CORIN: variants seen among roughly 807,000 people sequenced by gnomAD.
CORIN encodes corin, serine peptidase.
Under a neutral mutation model 125.3 loss-of-function variants are expected in CORIN, and 117 were observed. The observed-to-expected ratio is 0.93, with a 90% CI of 0.80 to 1.09. The LOEUF is 1.09. Ranked by LOEUF, CORIN falls within the 50% of genes least tolerant of loss-of-function variation. The pLI is 0.00. For missense variants in CORIN, 1,253 were observed against 1,306.7 expected, an observed-to-expected ratio of 0.96 and a Z score of 0.63; for synonymous variants, 450 against 466.4, an observed-to-expected ratio of 0.96 and a Z score of 0.45.
intron 1 of CORIN, among the ~76,000 whole-genome samples, chr4:47,822,845 C>T (rs528426531): frequency 6.7e-6 from 1 of 149,144 alleles, no homozygotes; most frequent in South Asian, 2.1e-4. Flanking sequence ...GAGAGGGAGT[C>T]TCGCTCTGAT....
At chr4:47,734,833 TC>T (rs1447638900) in intron 5 of CORIN, among the ~76,000 whole-genome samples, 2 of 152,162 alleles carry the variant, frequency 1.3e-5, no homozygotes, top group Admixed American at 1.3e-4. Flanking sequence ...TAGTAGCAAC[TC>T]CCCCTGTTCT....
At chr4:47,796,233 A>C (rs1248536264) in intron 2 of CORIN, among the ~76,000 whole-genome samples, 1 of 152,120 alleles carries the variant, frequency 6.6e-6, no homozygotes, top group Non-Finnish European at 1.5e-5. Context: ...AGATGAATAA[A>C]TTTTAAAAAT....
chr4:47,785,306 G>A (rs1361372073), intron 3 of CORIN, among the ~76,000 whole-genome samples: 11 of 152,100 alleles, frequency 7.2e-5, no homozygotes, highest in African/African-American at 1.2e-4. Context: ...CACTCCCACC[G>A]AGTATTCTGT....
intron 2 of CORIN, among the ~76,000 whole-genome samples, chr4:47,795,076 C>G (rs574592524): frequency 2.0e-5 from 3 of 152,186 alleles, no homozygotes; most frequent in African/African-American, 7.2e-5. Context: ...CTCTTCACAC[C>G]TTTGTTGAAG....
At chr4:47,815,204 G>T (rs770502806) in intron 1 of CORIN, among the ~76,000 whole-genome samples, 38 of 151,918 alleles carry the variant, frequency 2.5e-4, no homozygotes, top group Non-Finnish European at 5.6e-4. Context: ...GGCATAAAAA[G>T]GTCTTTCTCC....
intron 3 of CORIN, among the ~76,000 whole-genome samples, chr4:47,772,372 T>C (rs1249974696): frequency 6.6e-6 from 1 of 152,218 alleles, no homozygotes; most frequent in Non-Finnish European, 1.5e-5. Flanking sequence ...GATTTCTTTG[T>C]AAATCAATTA....
chr4:47,710,229 T>C (rs942520559), intron 5 of CORIN, among the ~76,000 whole-genome samples: 2 of 152,210 alleles, frequency 1.3e-5, no homozygotes, highest in East Asian at 3.8e-4. Flanking sequence ...TATTTTATCT[T>C]CCTCATTAAT....
At chr4:47,817,244 A>T (rs544471240) in intron 1 of CORIN, among the ~76,000 whole-genome samples, 1 of 151,496 alleles carries the variant, frequency 6.6e-6, no homozygotes, top group African/African-American at 2.4e-5. Context: ...GAAGTGGCAG[A>T]ATGTATTAAG....
At chr4:47,706,997 A>G in intron 5 of CORIN, 1 of 1,531,162 alleles carries the variant, frequency 6.5e-7, no homozygotes, top group Non-Finnish European at 8.7e-7. Flanking sequence ...ATACAAGTAA[A>G]GTTTGTAAAA....
intron 16 of CORIN, among the ~76,000 whole-genome samples, chr4:47,639,409 G>A (rs1340883871): frequency 6.6e-6 from 1 of 152,118 alleles, no homozygotes; most frequent in East Asian, 1.9e-4. Flanking sequence ...CTCTGATGAT[G>A]TTATTCACTT....
chr4:47,623,112 A>T (rs1722398738), intron 19 of CORIN, among the ~76,000 whole-genome samples: 1 of 141,752 alleles, frequency 7.1e-6, no homozygotes, highest in African/African-American at 2.8e-5. Flanking sequence ...ATATATATAT[A>T]TATATACACA....
At chr4:47,706,532 A>G in intron 5 of CORIN, 1 of 1,611,248 alleles carries the variant, frequency 6.2e-7, no homozygotes, top group African/African-American at 1.3e-5. Context: ...CTGGGCTACA[A>G]GGCCAAGCAA....
chr4:47,706,314 T>G, intron 5 of CORIN: 1 of 1,321,088 alleles, frequency 7.6e-7, no homozygotes, highest in Non-Finnish European at 1.1e-6. Flanking sequence ...CTATGGACTT[T>G]CAAGAAAACT....
chr4:47,739,040 G>A (rs750999339), intron 5 of CORIN, among the ~76,000 whole-genome samples: 14 of 151,656 alleles, frequency 9.2e-5, no homozygotes, highest in Non-Finnish European at 1.8e-4. Flanking sequence ...AGAAAAAAAA[G>A]AAGAAAAATT....
intron 5 of CORIN, among the ~76,000 whole-genome samples, chr4:47,740,776 T>C (rs879778791): frequency 1.3e-5 from 2 of 151,854 alleles, no homozygotes; most frequent in Admixed American, 6.6e-5. Flanking sequence ...TAAAAAATAA[T>C]TGAAAGTCCA....
chr4:47,662,145 A>ATTCTGTC (rs902925179), intron 11 of CORIN, among the ~76,000 whole-genome samples: 2 of 152,170 alleles, frequency 1.3e-5, no homozygotes, highest in African/African-American at 4.8e-5. Flanking sequence ...TGCCTTTCTC[A>ATTCTGTC]TTCTGTCTTC....
At chr4:47,623,096 C>CTCTCTCTCTCTCTCTCTCTA (rs771867590) in intron 19 of CORIN, among the ~76,000 whole-genome samples, 2 of 102,304 alleles carry the variant, frequency 2.0e-5, no homozygotes, top group African/African-American at 8.6e-5. Flanking sequence ...CTCTCTCTCT[C>CTCTCTCTCTCTCTCTCTCTA]TATATATATA....
intron 6 of CORIN, among the ~76,000 whole-genome samples, chr4:47,686,420 TAAG>T (rs1725519209): frequency 6.6e-6 from 1 of 152,078 alleles, no homozygotes; most frequent in African/African-American, 2.4e-5. Flanking sequence ...ATATAAGAAC[TAAG>T]AAGTCCTAGC....
At chr4:47,830,218 A>G (rs1314507335) in intron 1 of CORIN, among the ~76,000 whole-genome samples, 2 of 151,890 alleles carry the variant, frequency 1.3e-5, no homozygotes, top group East Asian at 1.9e-4. Flanking sequence ...TAAATCCCAC[A>G]TGGTGTTTGT....
Sources: allele counts gnomAD v4.1 joint callset (sites outside exome capture counted in the v4.1 genomes callset), GRCh38; gene constraint gnomAD v4.1.1; transcripts MANE v1.5; gene names NCBI Gene and HGNC (gene_info 2026-07-23, HGNC 2026-07-21).